Variants in RBM20 observed in about 807,000 individuals in gnomAD.
RBM20 encodes the protein RNA-binding protein 20.
A neutral mutation model predicts 110.1 loss-of-function variants in RBM20; 51 were observed. That is an observed-to-expected ratio of 0.46 (90% CI 0.37 to 0.59). The LOEUF (loss-of-function observed/expected upper bound fraction) is 0.59, where lower values mean the gene tolerates loss of function less well. Ranked by LOEUF, RBM20 falls within the 20% of genes least tolerant of loss-of-function variation. The pLI, the probability that RBM20 is intolerant of heterozygous loss-of-function variation, is 0.00. For synonymous variants in RBM20, 589 were observed against 618.2 expected (o/e 0.95, Z 0.70); for missense variants, 1,512 against 1,574.9 (o/e 0.96, Z 0.68).
chr10:110,686,951 A>G (rs1262607860), intron 1 of RBM20, among the ~76,000 whole-genome samples: 1 of 151,630 alleles, frequency 6.6e-6, no homozygotes, highest in East Asian at 1.9e-4. Context: ...AGGCAGGAGA[A>G]TTGCTTGAAC....
At chr10:110,803,081 A>AAT (rs138708400) in intron 7 of RBM20, among the ~76,000 whole-genome samples, 8,784 of 152,242 alleles carry the variant, frequency 0.058, 298 homozygotes, top group Middle Eastern at 0.11. Context: ...CAACAATAAC[A>AAT]ATAATGTATA....
At chr10:110,805,031 A>C (rs1479725478) in intron 7 of RBM20, among the ~76,000 whole-genome samples, 7 of 152,220 alleles carry the variant, frequency 4.6e-5, no homozygotes, top group Non-Finnish European at 1.0e-4. Context: ...TGAATGGTCC[A>C]TGGTGCTCTC....
chr10:110,758,014 C>CTTTTT (rs760246427), intron 1 of RBM20, among the ~76,000 whole-genome samples: 3,211 of 79,842 alleles, frequency 0.04, 651 homozygotes, highest in African/African-American at 0.12. Flanking sequence ...GATCCTTGTT[C>CTTTTT]TTTTTTTTTT....
intron 1 of RBM20, among the ~76,000 whole-genome samples, chr10:110,736,808 A>G (rs933221932): frequency 6.6e-6 from 1 of 152,068 alleles, no homozygotes; most frequent in Non-Finnish European, 1.5e-5. Flanking sequence ...GATCCCCAAG[A>G]TGGTGGTATT....
rs940881453 is a variant in RBM20, at chr10:110,699,206, A to G, written c.191+54561A>G. On this transcript the variant is annotated intron_variant, in intron 1 of 13. Transcript: ENST00000369519. The stretch of plus-strand genomic sequence containing the variant: ...CCGGCAGGCAGTGGCTTCTTACTCA[A>G]GGCATGCTGATTTTGAAAAGTATGA... Among the ~76,000 whole-genome samples the G allele has an allele frequency of 1.4e-3, 208 of 151,552 alleles. 3 individuals are homozygous for G. Among genetic ancestry groups the G allele is most frequent in the Non-Finnish European group, 4.3e-4 (29 of 67,860 alleles).
chr10:110,824,468 T>C (rs1844958002), intron 12 of RBM20, among the ~76,000 whole-genome samples: 1 of 152,216 alleles, frequency 6.6e-6, no homozygotes, highest in African/African-American at 2.4e-5. Context: ...GTTTCTGTTC[T>C]TCCTACTTAT....
intron 7 of RBM20, among the ~76,000 whole-genome samples, chr10:110,804,855 A>AT (rs947814573): frequency 5.3e-5 from 8 of 152,060 alleles, no homozygotes; most frequent in African/African-American, 1.2e-4. Context: ...TCATCAGGGG[A>AT]TTTTTTGTGG....
chr10:110,667,112 T>G (rs539272861), intron 1 of RBM20, among the ~76,000 whole-genome samples: 4 of 152,330 alleles, frequency 2.6e-5, no homozygotes, highest in Admixed American at 2.6e-4. Context: ...CAACCTCATT[T>G]GGCTGTTGTG....
At chr10:110,765,502 A>G (rs980456969) in intron 1 of RBM20, among the ~76,000 whole-genome samples, 2 of 152,220 alleles carry the variant, frequency 1.3e-5, no homozygotes, top group Admixed American at 6.5e-5. Context: ...GTGTTTAAAC[A>G]AAACTATTTT....
At chr10:110,723,970 G>A (rs1232730944) in intron 1 of RBM20, among the ~76,000 whole-genome samples, 1 of 152,116 alleles carries the variant, frequency 6.6e-6, no homozygotes, top group Admixed American at 6.6e-5. Flanking sequence ...TCATTTGTTA[G>A]TAGATGACAG....
At chr10:110,668,608 A>G (rs111604483) in intron 1 of RBM20, among the ~76,000 whole-genome samples, 7 of 44,804 alleles carry the variant, frequency 1.6e-4, no homozygotes, top group South Asian at 6.7e-4. Flanking sequence ...GAGGGAGAGG[A>G]AAAAAAAAAC....
intron 1 of RBM20, among the ~76,000 whole-genome samples, chr10:110,725,673 C>T (rs996268215): frequency 6.6e-6 from 1 of 152,174 alleles, no homozygotes; most frequent in Non-Finnish European, 1.5e-5. Context: ...AAACAGAGCA[C>T]ATCAACCTGG....
intron 1 of RBM20, among the ~76,000 whole-genome samples, chr10:110,719,429 T>C (rs906024254): frequency 1.3e-5 from 2 of 152,240 alleles, no homozygotes; most frequent in Non-Finnish European, 2.9e-5. Flanking sequence ...TCTTATTGAC[T>C]TGACAAATTC....
intron 1 of RBM20, among the ~76,000 whole-genome samples, chr10:110,674,954 T>C (rs1004061212): frequency 2.6e-5 from 4 of 152,172 alleles, no homozygotes; most frequent in Non-Finnish European, 5.9e-5. Context: ...AACCAAGTTG[T>C]GGGGATAAGG....
At chr10:110,655,619 C>G (rs1862011794) in intron 1 of RBM20, among the ~76,000 whole-genome samples, 1 of 152,200 alleles carries the variant, frequency 6.6e-6, no homozygotes, top group Admixed American at 6.5e-5. Context: ...GAATTCCTGA[C>G]TTGAAACAAG....
chr10:110,668,888 A>T (rs1464207176), intron 1 of RBM20, among the ~76,000 whole-genome samples: 1 of 134,416 alleles, frequency 7.4e-6, no homozygotes, highest in Non-Finnish European at 1.6e-5. Context: ...TATAACAATT[A>T]AAAAAAAAAA....
At chr10:110,726,105 G>C (rs1176697727) in intron 1 of RBM20, among the ~76,000 whole-genome samples, 1 of 152,134 alleles carries the variant, frequency 6.6e-6, no homozygotes, top group Non-Finnish European at 1.5e-5. Context: ...CCCTCTGCCG[G>C]CCTCTCCCTC....
At chr10:110,758,580 A>G (rs184387072) in intron 1 of RBM20, among the ~76,000 whole-genome samples, 1 of 152,166 alleles carries the variant, frequency 6.6e-6, no homozygotes, top group African/African-American at 2.4e-5. Context: ...CTGGGACGTG[A>G]GTTTGAGACT....
At chr10:110,706,383 G>A (rs887903686) in intron 1 of RBM20, among the ~76,000 whole-genome samples, 2 of 152,238 alleles carry the variant, frequency 1.3e-5, no homozygotes, top group Non-Finnish European at 2.9e-5. Context: ...CACCTGGAAT[G>A]GGCAATATCT....
Sources: gnomAD v4.1 joint callset for allele counts (sites outside exome capture counted in the v4.1 genomes callset) on GRCh38, gnomAD v4.1.1 for gene constraint, MANE v1.5 for transcripts, NCBI Gene and HGNC (gene_info 2026-07-23, HGNC 2026-07-21) for gene names.